The following NEBL variants were observed in gnomAD, a reference collection of about 807,000 sequenced individuals.
The protein encoded by NEBL is nebulette.
In NEBL, 122 loss-of-function variants were observed where a neutral mutation model predicts 140.2. That is an observed-to-expected ratio of 0.87 (90% confidence interval 0.75 to 1.01). The LOEUF (loss-of-function observed/expected upper bound fraction) is 1.01. Ranked by LOEUF, NEBL falls within the 50% of genes least tolerant of loss-of-function variation. NEBL has a pLI of 0.00. For missense variants in NEBL, 1,365 were observed against 1,231.3 expected, an observed-to-expected ratio of 1.11 and a Z score of -1.62; for synonymous variants, 436 against 398.9, an observed-to-expected ratio of 1.09 and a Z score of -1.11.
rs1350238754 is a variant in NEBL at position 20,992,772 on chromosome 10, T to A, written c.249+27345A>T. Among the ~76,000 whole-genome samples the A allele has an allele frequency of 3.6e-3, 418 of 115,230 alleles. 2 individuals carry two copies. Among genetic ancestry groups the A allele is most frequent in the African/African-American group, 0.014 (398 of 28,542 alleles). The allele number at this position is 115,230 out of a possible 152,430, so 75.6% of individuals were successfully genotyped here. ...CATTTGCAACTACAAAGTCTTTTTT[T>A]TTTTTTTTTTTTTTTTTTTTTTTGA... On this transcript the variant is annotated intron_variant, in intron 3 of 6. Coordinates refer to the NEBL transcript ENST00000417816.
In NEBL at chr10:21,231,244, G is replaced by A. The variant is rs140916072; in HGVS notation, n.348+16677C>T. On this transcript the variant is annotated intron_variant and non_coding_transcript_variant, in intron 3 of 8. Coordinates refer to the NEBL transcript ENST00000675702. ...GAGGAGACAAGCAAACATGTGCTGT[G>A]AAGAAAAATAAAAGGCTGGGCGCAG... Among the ~76,000 whole-genome samples, 1,432 of 152,222 alleles carry A rather than the reference G, an allele frequency of 9.4e-3. 9 individuals carry two copies. The highest frequency in any genetic ancestry group is 0.014 in the Middle Eastern group (4 of 294).
At chr10:21,275,998 C>A (rs1438224407) in intron 1 of NEBL, among the ~76,000 whole-genome samples, 1 of 145,618 alleles carries the variant, frequency 6.9e-6, no homozygotes, top group African/African-American at 2.5e-5. Context: ...AAAGACAGAG[C>A]CTCACTCTGT....
intron 2 of NEBL, among the ~76,000 whole-genome samples, chr10:21,027,467 A>G (rs1179116612): frequency 2.0e-5 from 3 of 151,926 alleles, no homozygotes; most frequent in Non-Finnish European, 4.4e-5. Context: ...AGCTGGGACC[A>G]GAGGCAACTG....
chr10:20,789,572 G>C (rs887633121), intron 26 of NEBL, among the ~76,000 whole-genome samples: 6 of 152,200 alleles, frequency 3.9e-5, no homozygotes, highest in African/African-American at 1.4e-4. Flanking sequence ...AGTATGCTGG[G>C]TATGGTGGCT....
intron 20 of NEBL, 139 bp from the exon 21 acceptor site, chr10:20,817,831 T>C: frequency 1.4e-6 from 1 of 733,688 alleles, no homozygotes. Context: ...CACGCTTACA[T>C]ATACGCCCAC....
At chr10:21,074,227 A>G (rs1835953987) in intron 2 of NEBL, among the ~76,000 whole-genome samples, 1 of 152,142 alleles carries the variant, frequency 6.6e-6, no homozygotes. Flanking sequence ...GTGCCTCAGC[A>G]TGAACTTCTA....
intron 19 of NEBL, among the ~76,000 whole-genome samples, chr10:20,821,168 T>C (rs1839275819): frequency 6.6e-6 from 1 of 152,230 alleles, no homozygotes; most frequent in Non-Finnish European, 1.5e-5. Flanking sequence ...AGAGAAACTC[T>C]TACTGCCAAT....
chr10:21,147,706 C>T (rs1006449065), intron 2 of NEBL, among the ~76,000 whole-genome samples: 2 of 152,204 alleles, frequency 1.3e-5, no homozygotes, highest in African/African-American at 4.8e-5. Context: ...ATCCACCAAG[C>T]GAGCACCTGT....
At chr10:20,861,456 G>A (rs1166588546) in intron 7 of NEBL, among the ~76,000 whole-genome samples, 2 of 152,182 alleles carry the variant, frequency 1.3e-5, no homozygotes, top group African/African-American at 4.8e-5. Context: ...TGGGATTACA[G>A]GCGTGAGCCA....
At chr10:20,963,895 C>T (rs1179306844) in intron 3 of NEBL, among the ~76,000 whole-genome samples, 1 of 152,196 alleles carries the variant, frequency 6.6e-6, no homozygotes, top group African/African-American at 2.4e-5. Flanking sequence ...AAGCCTCTTA[C>T]CCTCTCAGCA....
At chr10:21,284,346 A>G (rs1049168692) in intron 1 of NEBL, among the ~76,000 whole-genome samples, 1 of 152,052 alleles carries the variant, frequency 6.6e-6, no homozygotes, top group Admixed American at 6.6e-5. Context: ...AATCATTACA[A>G]TGCCTAGGCC....
chr10:21,079,236 A>G (rs1836254765), intron 2 of NEBL, among the ~76,000 whole-genome samples: 1 of 152,218 alleles, frequency 6.6e-6, no homozygotes, highest in South Asian at 2.1e-4. Context: ...AGGGGATAAC[A>G]GGGCAAGACC....
intron 4 of NEBL, among the ~76,000 whole-genome samples, chr10:20,917,163 A>T (rs1167056045): frequency 6.6e-6 from 1 of 152,202 alleles, no homozygotes; most frequent in African/African-American, 2.4e-5. Context: ...ACTTTTTATG[A>T]AGTTGAAAAT....
chr10:21,030,577 C>T, intron 2 of NEBL: 1 of 668,832 alleles, frequency 1.5e-6, no homozygotes, highest in Non-Finnish European at 2.7e-6. Context: ...GCACGAATAC[C>T]CTACAAGTGG....
At chr10:20,789,890 TATATATGTATAG>T (rs1214735931) in intron 26 of NEBL, among the ~76,000 whole-genome samples, 1 of 150,680 alleles carries the variant, frequency 6.6e-6, no homozygotes, top group Non-Finnish European at 1.5e-5. Flanking sequence ...CACACACATA[TATATATGTATAG>T]ATATATGTAT....
intron 14 of NEBL, 113 bp downstream of exon 14, chr10:20,835,400 T>C: frequency 1.1e-6 from 1 of 870,312 alleles, no homozygotes; most frequent in Non-Finnish European, 1.9e-6. Flanking sequence ...CATTCCAAAC[T>C]GTTAAACCAG....
intron 3 of NEBL, among the ~76,000 whole-genome samples, chr10:21,204,866 C>T (rs559411359): frequency 6.6e-5 from 10 of 152,176 alleles, no homozygotes; most frequent in African/African-American, 1.4e-4. Context: ...CTGCACTCCC[C>T]GTCATGAAAC....
At chr10:21,146,224 G>A in intron 2 of NEBL, 1 of 767,020 alleles carries the variant, frequency 1.3e-6, no homozygotes. Context: ...TTCATGCAGA[G>A]GGTACTCCGT....
intron 3 of NEBL, among the ~76,000 whole-genome samples, chr10:21,241,245 A>AAAATAAAT (rs372654187): frequency 0.029 from 4,194 of 146,448 alleles, 80 homozygotes; most frequent in South Asian, 0.05. Context: ...CGATGCCAGC[A>AAAATAAAT]AAATAAATAA....
Sources: allele counts gnomAD v4.1 joint callset (sites outside exome capture counted in the v4.1 genomes callset), GRCh38; gene constraint gnomAD v4.1.1; transcripts MANE v1.5; gene names NCBI Gene and HGNC (gene_info 2026-07-23, HGNC 2026-07-21).